E2F6: variants seen among roughly 807,000 people sequenced by gnomAD.
E2F6 encodes transcription factor E2F6.
E2F6 carries 19 observed loss-of-function variants against 31.5 expected under a neutral mutation model. That is an observed-to-expected ratio of 0.60 (90% confidence interval 0.42 to 0.89). E2F6 has a LOEUF of 0.89. E2F6 is among the 40% of genes least tolerant of loss of function. E2F6 has a pLI of 0.00. For missense variants in E2F6, 269 were observed against 341.6 expected, an observed-to-expected ratio of 0.79 and a Z score of 1.67; for synonymous variants, 121 against 127.7, an observed-to-expected ratio of 0.95 and a Z score of 0.36.
At chr2:11,464,918 A>G (rs1373872498) in intron 1 of E2F6, among the ~76,000 whole-genome samples, 2 of 152,198 alleles carry the variant, frequency 1.3e-5, no homozygotes, top group Non-Finnish European at 2.9e-5. Flanking sequence ...AGCAGCAGAG[A>G]AATTGAAAAT....
chr2:11,465,134 C>T (rs1368236201), intron 1 of E2F6, among the ~76,000 whole-genome samples: 20 of 140,750 alleles, frequency 1.4e-4, no homozygotes, highest in Non-Finnish European at 2.9e-4. Context: ...GCTGAGATTG[C>T]GCCATTGCAC....
chr2:11,463,958 G>GGGGGGGGAAAAAAAAAAAAAAAGAAAAAA (rs56958029), intron 1 of E2F6, among the ~76,000 whole-genome samples: 1 of 106,360 alleles, frequency 9.4e-6, no homozygotes. Context: ...CGGGGGGGGG[G>GGGGGGGGAAAAAAAAAAAAAAAGAAAAAA]ACAAAAACAA....
intron 5 of E2F6, among the ~76,000 whole-genome samples, chr2:11,448,898 G>T (rs556634503): frequency 6.6e-6 from 1 of 152,156 alleles, no homozygotes; most frequent in Non-Finnish European, 1.5e-5. Context: ...GGAGCAGGCC[G>T]GATCTGACCT....
In E2F6 at chr2:11,446,396, C is replaced by T. The variant is rs1670712856; in HGVS notation, c.*81G>A. On this transcript the variant is annotated 3_prime_UTR_variant, in exon 7 of 7. Transcript: ENST00000381525. ...AGAGCACTTCATGGATAATTTATTGCTCTGAGAATCAAATTTGATGCGTAA... is the reference window on the plus strand; with the variant it reads ...AGAGCACTTCATGGATAATTTATTGTTCTGAGAATCAAATTTGATGCGTAA... 5 of 1,073,836 alleles carry T rather than the reference C, an allele frequency of 4.7e-6. No homozygotes were observed. Among genetic ancestry groups the T allele is most frequent in the African/African-American group, 3.1e-5 (2 of 64,030 alleles). 66.5% of individuals were successfully genotyped at this position (1,073,836 alleles called of 1,614,324 possible). A position where few individuals can be genotyped will look rare whatever the true frequency, so the allele number is the denominator to read the frequency against.
chr2:11,463,444 CAATT>C (rs796660930), intron 1 of E2F6, among the ~76,000 whole-genome samples: 3 of 152,172 alleles, frequency 2.0e-5, no homozygotes, highest in Non-Finnish European at 4.4e-5. Flanking sequence ...AAATATGTGT[CAATT>C]AACTGTTTAC....
intron 5 of E2F6, among the ~76,000 whole-genome samples, chr2:11,448,634 G>A (rs528935103): frequency 6.6e-6 from 1 of 152,300 alleles, no homozygotes; most frequent in African/African-American, 2.4e-5. Context: ...AGCTTCTAGA[G>A]TGCCAGGTCA....
chr2:11,465,362 A>G lies in E2F6; in HGVS notation c.108+410T>C, dbSNP rs1466022011. Among the ~76,000 whole-genome samples, 6 of 152,220 alleles carry G rather than the reference A, an allele frequency of 3.9e-5. No individual in the cohort carries two copies. In the East Asian group the frequency reaches 9.7e-4, roughly 24 times the overall value. On this transcript the variant is annotated intron_variant, in intron 1 of 6. Coordinates refer to ENST00000381525, the MANE Select transcript of E2F6 (RefSeq NM_198256.4). ...GTCAAACAGGTGGGGAGATAATTTG[A>G]TGAATGGGAGCTGTGGCGTGGGAAA... is the stretch of plus-strand genomic sequence containing the variant.
At chr2:11,452,233 ATG>A (rs1671115884) in intron 3 of E2F6, among the ~76,000 whole-genome samples, 1 of 152,164 alleles carries the variant, frequency 6.6e-6, no homozygotes, top group African/African-American at 2.4e-5. Flanking sequence ...CTCTGCTAAC[ATG>A]TGAGGAGTCT....
intron 2 of E2F6, among the ~76,000 whole-genome samples, chr2:11,454,871 A>C (rs1240933486): frequency 6.6e-6 from 1 of 152,188 alleles, no homozygotes; most frequent in Non-Finnish European, 1.5e-5. Flanking sequence ...TTAACTCCAT[A>C]TTGTGAACAT....
Position 11,458,131 on chromosome 2 carries a change from T to C in E2F6, c.109-898A>G. 4.1e-6 allele frequency: 3 copies of C among 731,778 alleles called. No homozygotes were observed. In the South Asian group the frequency reaches 4.8e-5, roughly 12 times the overall value. The allele number at this position is 731,778 out of a possible 1,614,324, so 45.3% of individuals were successfully genotyped here. A position where few individuals can be genotyped will look rare whatever the true frequency, so the allele number is the denominator to read the frequency against. On this transcript the variant is annotated intron_variant, in intron 1 of 6. Transcript: ENST00000381525. Reference sequence around the variant, plus strand: ...ACAGAAACTCCTAGTAACATCAATGTTAATGTGCCTCCAGACAGGCTGTCA... The same window carrying C: ...ACAGAAACTCCTAGTAACATCAATGCTAATGTGCCTCCAGACAGGCTGTCA...
At chr2:11,456,177 G>T (rs1472422636) in intron 2 of E2F6, among the ~76,000 whole-genome samples, 1 of 152,210 alleles carries the variant, frequency 6.6e-6, no homozygotes, top group Non-Finnish European at 1.5e-5. Flanking sequence ...AGTGGCTTAT[G>T]AATTTAATGC....
intron 2 of E2F6, among the ~76,000 whole-genome samples, chr2:11,454,686 A>G (rs1305396193): frequency 2.6e-5 from 4 of 151,726 alleles, no homozygotes; most frequent in East Asian, 1.9e-4. Context: ...TCACTACCCT[A>G]TATTAATTTA....
In E2F6 at chr2:11,465,759, T is replaced by C. The variant is rs1672156875; in HGVS notation, c.108+13A>G. The C allele has an allele frequency of 1.3e-6, 2 of 1,578,554 alleles. No individual in the cohort carries two copies. The highest frequency in any genetic ancestry group is 2.7e-5 in the African/African-American group (2 of 74,292). On this transcript the variant is annotated intron_variant, in intron 1 of 6. Coordinates refer to ENST00000381525, the MANE Select transcript of E2F6 (RefSeq NM_198256.4). ...GAGACCACCGCCCGTCCCCGTCCCG[T>C]CCCGGAGCTTACCAGCAGGCCCTCC...
chr2:11,461,799 A>C (rs1358100653), intron 1 of E2F6, among the ~76,000 whole-genome samples: 1 of 152,246 alleles, frequency 6.6e-6, no homozygotes, highest in African/African-American at 2.4e-5. Flanking sequence ...GTGGAACTCC[A>C]GCCATGAAAC....
At chr2:11,457,909 T>C (rs749893178) in intron 1 of E2F6, among the ~76,000 whole-genome samples, 1 of 152,198 alleles carries the variant, frequency 6.6e-6, no homozygotes, top group Non-Finnish European at 1.5e-5. Flanking sequence ...CTAGAAACTT[T>C]TGCGTTAGAT....
intron 1 of E2F6, among the ~76,000 whole-genome samples, 178 bp from the exon 2 acceptor site, chr2:11,457,411 TGAG>T (rs1558459350): frequency 6.6e-6 from 1 of 152,020 alleles, no homozygotes; most frequent in East Asian, 1.9e-4. Flanking sequence ...ATCACTGAGG[TGAG>T]GAGTTCGAGA....
At chr2:11,449,952 A>T (rs1670958811) in intron 5 of E2F6, 60 bp downstream of exon 5, 1 of 1,334,562 alleles carries the variant, frequency 7.5e-7, no homozygotes, top group Admixed American at 1.8e-5. Flanking sequence ...AATAAATCAC[A>T]GCCTAAGCAG....
intron 1 of E2F6, among the ~76,000 whole-genome samples, chr2:11,465,295 C>A (rs897332227): frequency 1.3e-5 from 2 of 152,006 alleles, no homozygotes; most frequent in Non-Finnish European, 1.5e-5. Flanking sequence ...AAGAAATCAG[C>A]CTTTGCAGGA....
At chr2:11,459,336 G>A (rs1381649982) in intron 1 of E2F6, among the ~76,000 whole-genome samples, 1 of 152,088 alleles carries the variant, frequency 6.6e-6, no homozygotes, top group African/African-American at 2.4e-5. Context: ...TCTAGACAGT[G>A]GATCACAGGT....
Sources: gnomAD v4.1 joint callset for allele counts (sites outside exome capture counted in the v4.1 genomes callset) on GRCh38, gnomAD v4.1.1 for gene constraint, MANE v1.5 for transcripts, NCBI Gene and HGNC (gene_info 2026-07-23, HGNC 2026-07-21) for gene names.